NBEA: variants seen among roughly 807,000 people sequenced by gnomAD.
The protein encoded by NBEA is neurobeachin.
NBEA carries 44 observed loss-of-function variants against 343.4 expected under a neutral mutation model. The ratio of observed to expected loss-of-function variants is 0.13; its 90% CI spans 0.10 to 0.16. The LOEUF (loss-of-function observed/expected upper bound fraction) is 0.16, where lower values mean the gene tolerates loss of function less well. NBEA is among the 10% of genes least tolerant of loss of function. The pLI is 1.00. For synonymous variants in NBEA, 1,175 were observed against 1,238.7 expected, an observed-to-expected ratio of 0.95 and a Z score of 1.08; for missense variants, 2,555 against 3,631.3, an observed-to-expected ratio of 0.70 and a Z score of 7.62.
At chr13:35,626,748 T>C (rs898766831) in intron 48 of NBEA, among the ~76,000 whole-genome samples, 4 of 152,198 alleles carry the variant, frequency 2.6e-5, no homozygotes, top group African/African-American at 9.6e-5. Flanking sequence ...AATATAGACA[T>C]AATACAGAAT....
chr13:35,371,449 A>G (rs1225716814), intron 38 of NBEA, among the ~76,000 whole-genome samples: 1 of 151,620 alleles, frequency 6.6e-6, no homozygotes, highest in Non-Finnish European at 1.5e-5. Context: ...CTTCAGTTTC[A>G]GGATTCCTGT....
chr13:35,171,267 T>A lies in NBEA; in HGVS notation c.4243-5T>A, dbSNP rs1407330938. ...ACAAGACTTAAATCTTCTACTTTTT[T>A]AAAGACGGAATTGGAAAATATTGAA... On this transcript the variant is annotated splice_region_variant and splice_polypyrimidine_tract_variant and intron_variant, in intron 25 of 58. Coordinates refer to ENST00000379939, the MANE Select transcript of NBEA (RefSeq NM_001385012.1). 4 of 1,606,804 alleles carry A rather than the reference T, an allele frequency of 2.5e-6. No individual in the cohort carries two copies. The highest frequency in any genetic ancestry group is 3.3e-4 in the Middle Eastern group (2 of 6,014).
intron 1 of NBEA, among the ~76,000 whole-genome samples, chr13:35,015,152 A>C (rs1370886728): frequency 1.3e-5 from 2 of 149,838 alleles, no homozygotes; most frequent in East Asian, 3.9e-4. Flanking sequence ...AACAAAAAAA[A>C]AAAACCACAC....
At chr13:35,245,996 T>C (rs1037440090) in intron 34 of NBEA, among the ~76,000 whole-genome samples, 1 of 152,166 alleles carries the variant, frequency 6.6e-6, no homozygotes, top group Non-Finnish European at 1.5e-5. Flanking sequence ...TTCTTTTTTC[T>C]TTGTCTTTGC....
intron 1 of NBEA, among the ~76,000 whole-genome samples, chr13:35,010,723 C>A: frequency 2.9e-5 from 1 of 34,830 alleles, no homozygotes; most frequent in African/African-American, 1.6e-4. Context: ...GACTGGGTCT[C>A]TACAAAAAAA....
chr13:35,144,277 A>G (rs1046974700), intron 18 of NBEA, among the ~76,000 whole-genome samples: 3 of 152,208 alleles, frequency 2.0e-5, no homozygotes, highest in Non-Finnish European at 4.4e-5. Flanking sequence ...TGGAATATTC[A>G]TAAAGATTAC....
intron 18 of NBEA, among the ~76,000 whole-genome samples, chr13:35,146,199 C>T (rs1431614506): frequency 6.6e-6 from 1 of 152,028 alleles, no homozygotes; most frequent in Non-Finnish European, 1.5e-5. Context: ...AAAGTGACTC[C>T]AACTGTGGCC....
intron 41 of NBEA, among the ~76,000 whole-genome samples, chr13:35,536,631 T>TA (rs913155182): frequency 6.9e-6 from 1 of 145,844 alleles, no homozygotes; most frequent in African/African-American, 2.6e-5. Flanking sequence ...ACTGGCTTCG[T>TA]AAAAAATAGA....
At position 35,120,500 on chromosome 13, in the gene NBEA, C is replaced by T. The variant is rs949488902; in HGVS notation, c.2243+2026C>T. On this transcript the variant is annotated intron_variant, in intron 16 of 58. Coordinates refer to ENST00000379939, the MANE Select transcript of NBEA (RefSeq NM_001385012.1). ...GATAGAAAATATTGAAAGTGGCTAA[C>T]GAATTTATATGTCTGTTTTCTAGAA... is the stretch of plus-strand genomic sequence containing the variant. Among the ~76,000 whole-genome samples, 108 of 152,118 alleles carry T rather than the reference C, an allele frequency of 7.1e-4. 1 individual carries two copies. Among genetic ancestry groups the T allele is most frequent in the African/African-American group, 2.5e-3 (102 of 41,514 alleles).
At chr13:35,645,463 A>C (rs1003148603) in intron 49 of NBEA, among the ~76,000 whole-genome samples, 1 of 152,184 alleles carries the variant, frequency 6.6e-6, no homozygotes, top group South Asian at 2.1e-4. Flanking sequence ...CACACAAGAA[A>C]GGTATATTGT....
intron 41 of NBEA, among the ~76,000 whole-genome samples, chr13:35,548,563 C>G (rs572594269): frequency 6.6e-6 from 1 of 152,156 alleles, no homozygotes; most frequent in Non-Finnish European, 1.5e-5. Flanking sequence ...ATCATTTTTT[C>G]TGATATTATA....
At chr13:34,986,712 G>A in intron 1 of NBEA, among the ~76,000 whole-genome samples, 1 of 150,772 alleles carries the variant, frequency 6.6e-6, no homozygotes. Flanking sequence ...TATGAGTCTG[G>A]GTGCTCCTGT....
At chr13:35,019,856 A>T (rs924405596) in intron 1 of NBEA, among the ~76,000 whole-genome samples, 1 of 152,080 alleles carries the variant, frequency 6.6e-6, no homozygotes, top group Non-Finnish European at 1.5e-5. Context: ...CATGACTTTT[A>T]TTTGTATTAG....
intron 48 of NBEA, among the ~76,000 whole-genome samples, chr13:35,620,431 T>G (rs2082929662): frequency 6.6e-6 from 1 of 151,774 alleles, no homozygotes; most frequent in Admixed American, 6.6e-5. Context: ...GCAAAGGCCT[T>G]ATGGCAGGGA....
chr13:35,623,572 A>G (rs928047814), intron 48 of NBEA, among the ~76,000 whole-genome samples: 1 of 152,116 alleles, frequency 6.6e-6, no homozygotes, highest in African/African-American at 2.4e-5. Flanking sequence ...ATAATTAATT[A>G]TTTATTGATT....
chr13:35,307,419 GT>G (rs2036967589), intron 35 of NBEA, among the ~76,000 whole-genome samples: 1 of 151,906 alleles, frequency 6.6e-6, no homozygotes, highest in African/African-American at 2.4e-5. Flanking sequence ...TACTTCTACT[GT>G]TCCTCCATCA....
intron 38 of NBEA, among the ~76,000 whole-genome samples, chr13:35,387,111 G>A (rs1209867312): frequency 1.3e-5 from 2 of 152,058 alleles, no homozygotes; most frequent in African/African-American, 4.8e-5. Flanking sequence ...CATTTGGATA[G>A]ATTTTTAAAT....
chr13:35,439,393 G>A (rs1315879715), intron 39 of NBEA, among the ~76,000 whole-genome samples: 2 of 152,112 alleles, frequency 1.3e-5, no homozygotes, highest in African/African-American at 4.8e-5. Context: ...AAAGGCTTAT[G>A]AATTGTCTCA....
At chr13:35,313,420 T>C (rs117576619) in intron 36 of NBEA, among the ~76,000 whole-genome samples, 2,389 of 152,308 alleles carry the variant, frequency 0.016, 26 homozygotes, top group Middle Eastern at 0.034. Context: ...GCTAATGAAA[T>C]ATCTATTTAT....
Sources: gnomAD v4.1 joint callset for allele counts (sites outside exome capture counted in the v4.1 genomes callset) on GRCh38, gnomAD v4.1.1 for gene constraint, MANE v1.5 for transcripts, NCBI Gene and HGNC (gene_info 2026-07-23, HGNC 2026-07-21) for gene names.